The following NTM variants were observed in gnomAD, a reference collection of about 807,000 sequenced individuals.
NTM encodes the protein IgLON family member 2.
In NTM, 13 loss-of-function variants were observed where a neutral mutation model predicts 42.1. The ratio of observed to expected loss-of-function variants is 0.31; its 90% CI spans 0.20 to 0.49. The LOEUF (loss-of-function observed/expected upper bound fraction) is 0.49. Ranked by LOEUF, NTM falls within the 20% of genes least tolerant of loss-of-function variation. The probability of loss-of-function intolerance (pLI) is 0.99; values close to 1 mark genes in which losing one functional copy is unlikely to be tolerated. For missense variants in NTM, 373 were observed against 452.8 expected (o/e 0.82, Z 1.60); for synonymous variants, 187 against 179.2 (o/e 1.04, Z -0.35).
At chr11:131,665,483 A>G (rs916769833) in intron 1 of NTM, among the ~76,000 whole-genome samples, 2 of 152,226 alleles carry the variant, frequency 1.3e-5, no homozygotes, top group African/African-American at 4.8e-5. Context: ...AAAAGAGGTC[A>G]TATGGCTAGG....
In NTM at chr11:132,146,712, G is replaced by GT. The variant is rs2070494416; in HGVS notation, c.400+205dup. ...TTTTCATTGAGTGGAACTAGGAATTGTTTTTTTCATTTTTGTTCCAATAAT... is the reference window on the plus strand; with the variant it reads ...TTTTCATTGAGTGGAACTAGGAATTGTTTTTTTTCATTTTTGTTCCAATAAT... On this transcript the variant is annotated intron_variant, in intron 3 of 8. Coordinates refer to ENST00000683400, the MANE Select transcript of NTM (RefSeq NM_001352005.2). This position sits in a 1 kb window ranked among gnomAD's most constrained non-coding sequence, Gnocchi z 4.5. 2 of 473,622 alleles carry GT rather than the reference G, an allele frequency of 4.2e-6. No homozygotes were observed. Among genetic ancestry groups the GT allele is most frequent in the Admixed American group, 3.8e-5 (1 of 26,206 alleles). The allele number at this position is 473,622 out of a possible 1,614,324, so 29.3% of individuals were successfully genotyped here.
chr11:131,620,993 A>G (rs1230537684), intron 1 of NTM, among the ~76,000 whole-genome samples: 1 of 152,240 alleles, frequency 6.6e-6, no homozygotes, highest in Non-Finnish European at 1.5e-5. Context: ...ACTAGCCACT[A>G]ACTAATGTGA....
At position 131,790,211 on chromosome 11, in the gene NTM, G is replaced by A. The variant is rs143587663; in HGVS notation, c.83-121353G>A. On this transcript the variant is annotated intron_variant, in intron 1 of 8. Transcript: ENST00000683400. ...GATTGATAAGATCAAGGTAAAATCC[G>A]AGCAAATCATAGAAAATTATTTGGG... Among the ~76,000 whole-genome samples, 345 of 152,132 alleles carry A rather than the reference G, an allele frequency of 2.3e-3. 3 individuals are homozygous for A. Among genetic ancestry groups the A allele is most frequent in the African/African-American group, 7.9e-3 (327 of 41,502 alleles).
intron 1 of NTM, among the ~76,000 whole-genome samples, chr11:131,442,444 G>A (rs954601406): frequency 3.3e-5 from 5 of 152,058 alleles, no homozygotes; most frequent in African/African-American, 1.2e-4. Context: ...TTAGATTGGG[G>A]TTGTACCCAT....
chr11:131,391,644 G>GAAAAAAAAAAAAA (rs5795723), intron 1 of NTM, among the ~76,000 whole-genome samples: 52 of 81,518 alleles, frequency 6.4e-4, no homozygotes, highest in South Asian at 1.2e-3. Context: ...TTTTATCTGG[G>GAAAAAAAAAAAAA]AAAAAAAAAA....
intron 1 of NTM, among the ~76,000 whole-genome samples, chr11:131,858,076 TATC>T (rs1385076925): frequency 2.0e-5 from 3 of 152,024 alleles, no homozygotes; most frequent in Non-Finnish European, 4.4e-5. Flanking sequence ...GTCTACATTT[TATC>T]ATACTGAGCT....
intron 1 of NTM, among the ~76,000 whole-genome samples, chr11:131,858,874 C>T (rs1449814578): frequency 6.6e-6 from 1 of 152,170 alleles, no homozygotes; most frequent in Non-Finnish European, 1.5e-5. Flanking sequence ...CAAATAGTCC[C>T]CACCCTGCTT....
chr11:131,868,641 G>T (rs115461570), intron 1 of NTM, among the ~76,000 whole-genome samples: 1 of 152,122 alleles, frequency 6.6e-6, no homozygotes, highest in Non-Finnish European at 1.5e-5. Flanking sequence ...TGCGATGTCC[G>T]TGCACACCCT....
At chr11:131,731,971 A>T (rs1324767234) in intron 1 of NTM, among the ~76,000 whole-genome samples, 1 of 152,150 alleles carries the variant, frequency 6.6e-6, no homozygotes, top group Non-Finnish European at 1.5e-5. Context: ...GGTAGAGCAG[A>T]GTGGTTATGA....
chr11:131,734,406 T>C (rs945738491), intron 1 of NTM, among the ~76,000 whole-genome samples: 1 of 152,158 alleles, frequency 6.6e-6, no homozygotes, highest in Admixed American at 6.5e-5. Context: ...TTCCTTCCCT[T>C]CTTCCTTTCC....
intron 2 of NTM, among the ~76,000 whole-genome samples, chr11:131,992,293 A>G (rs2067169592): frequency 6.6e-6 from 1 of 152,202 alleles, no homozygotes; most frequent in African/African-American, 2.4e-5. Context: ...AATATGATCA[A>G]TAATGCAATA....
chr11:132,308,744 G>A (rs76988274), intron 5 of NTM, among the ~76,000 whole-genome samples: 7,066 of 152,092 alleles, frequency 0.046, 565 homozygotes, highest in African/African-American at 0.16. Flanking sequence ...AATATGAAGC[G>A]GTTTAAGAAG....
intron 2 of NTM, among the ~76,000 whole-genome samples, chr11:132,035,867 C>G (rs937371190): frequency 6.6e-6 from 1 of 152,184 alleles, no homozygotes; most frequent in Non-Finnish European, 1.5e-5. Flanking sequence ...GCCTGTCTCT[C>G]TGCCACCTCT....
chr11:132,092,780 T>C (rs577460224), intron 2 of NTM, among the ~76,000 whole-genome samples: 21 of 152,322 alleles, frequency 1.4e-4, no homozygotes, highest in African/African-American at 5.1e-4. Context: ...AGTTTCCATA[T>C]AGTAGTGGTC....
chr11:132,009,036 G>T (rs1291340585), intron 2 of NTM, among the ~76,000 whole-genome samples: 1 of 152,090 alleles, frequency 6.6e-6, no homozygotes, highest in Non-Finnish European at 1.5e-5. Flanking sequence ...TCAGCGCTGT[G>T]GGGAATGTGT....
intron 1 of NTM, among the ~76,000 whole-genome samples, chr11:131,786,268 T>G (rs2089192215): frequency 6.6e-6 from 1 of 152,226 alleles, no homozygotes; most frequent in Admixed American, 6.5e-5. Context: ...GGAATATCTA[T>G]CTTTAGACAG....
intron 3 of NTM, among the ~76,000 whole-genome samples, chr11:132,147,425 G>A (rs969460917): frequency 1.3e-4 from 20 of 151,998 alleles, no homozygotes; most frequent in Non-Finnish European, 2.2e-4. Context: ...AGTTATTACC[G>A]TGTCTCAGGG....
chr11:131,975,303 C>T (rs2064153892), intron 2 of NTM, among the ~76,000 whole-genome samples: 1 of 152,074 alleles, frequency 6.6e-6, no homozygotes, highest in Admixed American at 6.5e-5. Context: ...GCCTCAGCCT[C>T]CCAAGTAACA....
At chr11:131,405,640 C>T (rs1565469326) in intron 1 of NTM, among the ~76,000 whole-genome samples, 1 of 152,168 alleles carries the variant, frequency 6.6e-6, no homozygotes, top group Non-Finnish European at 1.5e-5. Context: ...TCAACCCATC[C>T]TTTATCTCAT....
Sources: allele counts gnomAD v4.1 joint callset (sites outside exome capture counted in the v4.1 genomes callset), GRCh38; gene constraint gnomAD v4.1.1; non-coding constraint Gnocchi (gnomAD v3.1); transcripts MANE v1.5; gene names NCBI Gene and HGNC (gene_info 2026-07-23, HGNC 2026-07-21).